Variants in CACNA2D3 observed in about 807,000 individuals in gnomAD.
CACNA2D3 encodes the protein calcium voltage-gated channel auxiliary subunit alpha2delta 3, also known as voltage-dependent calcium channel subunit alpha-2/delta-3.
Under a neutral mutation model 160.6 loss-of-function variants are expected in CACNA2D3, and 60 were observed. The ratio of observed to expected loss-of-function variants is 0.37; its 90% CI spans 0.30 to 0.46. The LOEUF is 0.46. Among genes scored for constraint, CACNA2D3 ranks in the 20% least tolerant of loss-of-function variants. The pLI is 1.00. For missense variants in CACNA2D3, 1,205 were observed against 1,365.0 expected (o/e 0.88, Z 1.85); for synonymous variants, 558 against 492.9 (o/e 1.13, Z -1.75).
intron 17 of CACNA2D3, 42 bp from the exon 18 acceptor site, chr3:54,871,497 G>A (rs769133091): frequency 1.8e-5 from 27 of 1,497,430 alleles, no homozygotes; most frequent in South Asian, 2.3e-5. Context: ...ATGACTTCAC[G>A]GACTTTTGTT....
rs150263098 is a variant in CACNA2D3, at chr3:54,521,240, C to T, written c.544+17586C>T. On this transcript the variant is annotated intron_variant, in intron 5 of 37. Coordinates refer to ENST00000474759, the MANE Select transcript of CACNA2D3 (RefSeq NM_018398.3). The stretch of plus-strand genomic sequence containing the variant: ...ATGTATGTAGGTTCAGATTTCTTAT[C>T]TGACTTTTTGTCAGAAGGGTGAGAA... 6.2e-3 allele frequency among the ~76,000 whole-genome samples: 944 copies of T among 152,270 alleles called. 9 individuals are homozygous for T. The highest frequency in any genetic ancestry group is 0.022 in the African/African-American group (902 of 41,562).
At chr3:54,668,507 C>G (rs1700107015) in intron 11 of CACNA2D3, among the ~76,000 whole-genome samples, 1 of 152,212 alleles carries the variant, frequency 6.6e-6, no homozygotes, top group African/African-American at 2.4e-5. Flanking sequence ...AAATCTCAGT[C>G]ACTGTTTACA....
chr3:54,341,770 G>A (rs1698348929), intron 3 of CACNA2D3, among the ~76,000 whole-genome samples: 1 of 152,228 alleles, frequency 6.6e-6, no homozygotes, highest in Non-Finnish European at 1.5e-5. Context: ...CTTCTGCTAT[G>A]AGACCTCCAG....
At chr3:54,692,770 A>G (rs543019545) in intron 11 of CACNA2D3, among the ~76,000 whole-genome samples, 1 of 152,278 alleles carries the variant, frequency 6.6e-6, no homozygotes, top group East Asian at 1.9e-4. Context: ...CTGTGGGTAG[A>G]TGTGTGTGTC....
At chr3:54,357,202 A>T (rs1399308710) in intron 3 of CACNA2D3, among the ~76,000 whole-genome samples, 2 of 152,152 alleles carry the variant, frequency 1.3e-5, no homozygotes, top group African/African-American at 4.8e-5. Flanking sequence ...AAAGCATGGG[A>T]GGGACTTAAT....
At chr3:54,750,756 A>G (rs1258443736) in intron 11 of CACNA2D3, among the ~76,000 whole-genome samples, 5 of 150,352 alleles carry the variant, frequency 3.3e-5, no homozygotes, top group South Asian at 2.1e-4. Flanking sequence ...ACTTTTGGCA[A>G]TATGAGGCTG....
chr3:54,449,828 G>A (rs1223820617), intron 4 of CACNA2D3, among the ~76,000 whole-genome samples: 2 of 152,150 alleles, frequency 1.3e-5, no homozygotes, highest in Non-Finnish European at 2.9e-5. Context: ...GAGAAGCAAG[G>A]ACCATTTAAA....
At chr3:54,626,346 G>A (rs1185153500) in intron 9 of CACNA2D3, 2 of 1,556,778 alleles carry the variant, frequency 1.3e-6, no homozygotes, top group Non-Finnish European at 1.7e-6. Flanking sequence ...AGCGGCGGCT[G>A]AACCGGGGCC....
intron 4 of CACNA2D3, among the ~76,000 whole-genome samples, chr3:54,403,363 A>ACG (rs1158900208): frequency 2.3e-4 from 25 of 110,398 alleles, no homozygotes; most frequent in African/African-American, 7.9e-4. Context: ...TCAAACACAC[A>ACG]CACACACACA....
intron 34 of CACNA2D3, among the ~76,000 whole-genome samples, chr3:55,010,256 T>A (rs540711096): frequency 4.3e-4 from 65 of 151,540 alleles, no homozygotes; most frequent in Middle Eastern, 3.5e-3. Flanking sequence ...GGGAGGAGGG[T>A]GAGGATGAAA....
At chr3:54,146,726 G>T (rs896794269) in intron 2 of CACNA2D3, among the ~76,000 whole-genome samples, 3 of 152,252 alleles carry the variant, frequency 2.0e-5, no homozygotes, top group African/African-American at 7.2e-5. Flanking sequence ...GTCTTAGGGG[G>T]AGGCCCTGAG....
Position 54,122,801 on chromosome 3 carries a change from G to A in CACNA2D3, c.88G>A (p.Val30Met). ...GCTTCTCTACGCCGCGCTGGGGGAC[G>A]TGGTGCGCTCGGAGCAGCAGATACC... is the stretch of plus-strand genomic sequence containing the variant. ...AALLYAALGDVVRSEQQIPLS... is the reference protein window; with the variant it reads ...AALLYAALGDMVRSEQQIPLS... Residue 30 changes from valine (V) to methionine (M), a missense_variant, in exon 1 of 38, where the codon GTG becomes ATG. Physicochemically the swap from Val to Met is conservative, Grantham distance 21. This residue lies in a region of CACNA2D3 where 163 missense variants were observed against 161.3 expected (regional missense o/e 1.01). Transcript: ENST00000474759. 8.1e-7 allele frequency: 1 copy of A among 1,232,258 alleles called. No homozygotes were observed. The allele number at this position is 1,232,258 out of a possible 1,614,324, so 76.3% of individuals were successfully genotyped here. A position where few individuals can be genotyped will look rare whatever the true frequency, so the allele number is the denominator to read the frequency against.
chr3:54,871,219 A>AC lies in CACNA2D3; in HGVS notation c.1627-319dup, dbSNP rs1208271055. Among the ~76,000 whole-genome samples, 285 of 104,604 alleles carry AC rather than the reference A, an allele frequency of 2.7e-3. 3 individuals are homozygous for AC. Among genetic ancestry groups the AC allele is most frequent in the South Asian group, 4.0e-3 (11 of 2,738 alleles). 68.6% of individuals were successfully genotyped at this position (104,604 alleles called of 152,430 possible). ...CACACACACACACACACACACACACACACACCCCCCATTCAAGGAGGGGAC... is the reference window on the plus strand; with the variant it reads ...CACACACACACACACACACACACACACCACACCCCCCATTCAAGGAGGGGAC... On this transcript the variant is annotated intron_variant, in intron 17 of 37. Coordinates refer to ENST00000474759, the MANE Select transcript of CACNA2D3 (RefSeq NM_018398.3).
At chr3:55,020,328 A>G (rs1703418697) in intron 35 of CACNA2D3, among the ~76,000 whole-genome samples, 1 of 149,664 alleles carries the variant, frequency 6.7e-6, no homozygotes, top group Non-Finnish European at 1.5e-5. Flanking sequence ...ATATGTACAT[A>G]TCGTATGTAT....
chr3:54,712,472 T>G (rs1479817957), intron 11 of CACNA2D3, among the ~76,000 whole-genome samples: 1 of 152,184 alleles, frequency 6.6e-6, no homozygotes, highest in Non-Finnish European at 1.5e-5. Flanking sequence ...ATTCTCATGA[T>G]AGTGAATAAG....
At chr3:54,747,441 T>C (rs532635249) in intron 11 of CACNA2D3, among the ~76,000 whole-genome samples, 1 of 152,254 alleles carries the variant, frequency 6.6e-6, no homozygotes, top group African/African-American at 2.4e-5. Context: ...GCATTCAGAA[T>C]TATAAGATTA....
chr3:54,851,378 G>T (rs1456471702), intron 17 of CACNA2D3, among the ~76,000 whole-genome samples: 1 of 152,172 alleles, frequency 6.6e-6, no homozygotes, highest in African/African-American at 2.4e-5. Flanking sequence ...TAAGATGAAG[G>T]TAAATATCCT....
At chr3:54,817,686 G>C (rs1703487592) in intron 14 of CACNA2D3, among the ~76,000 whole-genome samples, 2 of 152,192 alleles carry the variant, frequency 1.3e-5, no homozygotes, top group African/African-American at 4.8e-5. Flanking sequence ...CTCCAGTTTA[G>C]AGCAGAGGTG....
intron 2 of CACNA2D3, among the ~76,000 whole-genome samples, chr3:54,148,621 A>T (rs997399953): frequency 3.9e-5 from 6 of 152,152 alleles, no homozygotes; most frequent in Non-Finnish European, 4.4e-5. Context: ...CTGTGTTTTC[A>T]TGTCAGATAA....
Sources: gnomAD v4.1 joint callset for allele counts (sites outside exome capture counted in the v4.1 genomes callset) on GRCh38, gnomAD v4.1.1 for gene constraint, gnomAD v4.1.1 regional missense constraint, MANE v1.5 for transcripts, NCBI Gene and HGNC (gene_info 2026-07-23, HGNC 2026-07-21) for gene names.